Variants in CCDC148 observed in about 807,000 individuals in gnomAD.
CCDC148 encodes coiled-coil domain containing 148, also known as coiled-coil domain-containing protein 148.
Under a neutral mutation model 85.7 loss-of-function variants are expected in CCDC148, and 89 were observed. The ratio of observed to expected loss-of-function variants is 1.04; its 90% CI spans 0.87 to 1.24. The LOEUF is 1.24. Among genes scored for constraint, CCDC148 ranks in the 50% most tolerant of loss-of-function variants. The probability of loss-of-function intolerance (pLI) is 0.00; values close to 1 mark genes in which losing one functional copy is unlikely to be tolerated. For synonymous variants in CCDC148, 230 were observed against 213.9 expected (o/e 1.08, Z -0.66); for missense variants, 692 against 671.7 (o/e 1.03, Z -0.33).
At chr2:158,350,338 C>CT (rs1236776277) in intron 2 of CCDC148, among the ~76,000 whole-genome samples, 3 of 151,994 alleles carry the variant, frequency 2.0e-5, no homozygotes, top group Non-Finnish European at 4.4e-5. Context: ...GCCAAAATGT[C>CT]TTTTTTGGTA....
intron 9 of CCDC148, among the ~76,000 whole-genome samples, chr2:158,292,119 T>C (rs1350866384): frequency 2.0e-5 from 3 of 152,142 alleles, no homozygotes; most frequent in Non-Finnish European, 4.4e-5. Context: ...TTTGCTAGTC[T>C]GCCTCTCTCA....
intron 9 of CCDC148, among the ~76,000 whole-genome samples, chr2:158,267,773 A>G (rs1012729844): frequency 1.3e-5 from 2 of 152,132 alleles, no homozygotes; most frequent in Non-Finnish European, 2.9e-5. Flanking sequence ...CTCACGATAC[A>G]GTGGCTTCAG....
chr2:158,433,780 T>C (rs569186236), intron 1 of CCDC148, among the ~76,000 whole-genome samples: 2 of 152,196 alleles, frequency 1.3e-5, no homozygotes, highest in African/African-American at 2.4e-5. Context: ...ATCCTAATAC[T>C]GCGCTTTTCC....
intron 9 of CCDC148, among the ~76,000 whole-genome samples, chr2:158,257,841 A>G (rs1689071980): frequency 6.6e-6 from 1 of 151,922 alleles, no homozygotes; most frequent in Non-Finnish European, 1.5e-5. Flanking sequence ...CTTCTAGAGG[A>G]AGAAACAAAC....
intron 1 of CCDC148, among the ~76,000 whole-genome samples, chr2:158,374,407 C>T (rs937770182): frequency 6.6e-6 from 1 of 152,034 alleles, no homozygotes; most frequent in East Asian, 1.9e-4. Flanking sequence ...TGTAGTTTTA[C>T]CTCCAACATA....
intron 2 of CCDC148, among the ~76,000 whole-genome samples, chr2:158,352,630 G>C (rs1408607471): frequency 1.3e-5 from 2 of 152,116 alleles, no homozygotes; most frequent in African/African-American, 4.8e-5. Flanking sequence ...GGGAAGAATG[G>C]AACCAAGTTG....
At chr2:158,179,166 ATT>A (rs10699879) in intron 11 of CCDC148, among the ~76,000 whole-genome samples, 170 bp from the exon 12 acceptor site, 160 of 82,792 alleles carry the variant, frequency 1.9e-3, no homozygotes, top group Non-Finnish European at 3.0e-3. Flanking sequence ...ATAAAATGCA[ATT>A]TTTTTTTTTT....
chr2:158,204,800 G>A (rs887614011), intron 11 of CCDC148, among the ~76,000 whole-genome samples: 1 of 152,154 alleles, frequency 6.6e-6, no homozygotes, highest in African/African-American at 2.4e-5. Context: ...AGAGGCCAAA[G>A]AAGGTCTCAC....
At chr2:158,328,487 T>C (rs1692911215) in intron 7 of CCDC148, among the ~76,000 whole-genome samples, 1 of 152,158 alleles carries the variant, frequency 6.6e-6, no homozygotes, top group South Asian at 2.1e-4. Flanking sequence ...TGTGCATGTG[T>C]CTTTATAGCA....
intron 11 of CCDC148, among the ~76,000 whole-genome samples, chr2:158,208,008 T>G (rs988632257): frequency 6.6e-6 from 1 of 151,504 alleles, no homozygotes; most frequent in Non-Finnish European, 1.5e-5. Flanking sequence ...TTCCTTCACC[T>G]CCCTTTTCCA....
chr2:158,259,262 A>C (rs1350250509), intron 9 of CCDC148, among the ~76,000 whole-genome samples: 2 of 151,776 alleles, frequency 1.3e-5, no homozygotes, highest in African/African-American at 2.4e-5. Context: ...TTTTTCTTCA[A>C]GGTAATTCTT....
At chr2:158,390,961 T>C (rs749228172) in intron 1 of CCDC148, among the ~76,000 whole-genome samples, 4 of 152,118 alleles carry the variant, frequency 2.6e-5, no homozygotes, top group Non-Finnish European at 5.9e-5. Flanking sequence ...CCCTATACAA[T>C]AGCTGTTATT....
chr2:158,313,605 C>T lies in CCDC148; in HGVS notation c.903+151G>A. 4 of 875,942 alleles carry T rather than the reference C, an allele frequency of 4.6e-6. No individual in the cohort carries two copies. The South Asian group carries it at 1.0e-4, about 22-fold the overall frequency. 54.3% of individuals were successfully genotyped at this position (875,942 alleles called of 1,614,324 possible). The stretch of plus-strand genomic sequence containing the variant: ...AACTTGAAAAAATGACCTGCACAGG[C>T]TTTCAAACTATTATATAACCCTATT... On this transcript the variant is annotated intron_variant, in intron 8 of 13. Coordinates refer to ENST00000283233, the MANE Select transcript of CCDC148 (RefSeq NM_138803.4).
chr2:158,309,676 G>T, intron 8 of CCDC148, 37 bp from the exon 9 acceptor site: 1 of 1,373,766 alleles, frequency 7.3e-7, no homozygotes. Context: ...TTATCATTAT[G>T]AAAATGAGCT....
At chr2:158,247,578 C>T (rs541939162) in intron 10 of CCDC148, among the ~76,000 whole-genome samples, 267 of 152,192 alleles carry the variant, frequency 1.8e-3, no homozygotes, top group African/African-American at 6.2e-3. Context: ...ATTAAAAGGC[C>T]GGGCATGGTA....
At position 158,180,244 on chromosome 2, in the gene CCDC148, C is replaced by T. The variant is rs149009045; in HGVS notation, c.1371-1248G>A. ...ACATTCTGGATTCTGGTATTTACTG[C>T]GTGTTCACCCTGCATCAGGTCTTGT... On this transcript the variant is annotated intron_variant, in intron 11 of 13. Transcript: ENST00000283233. Among the ~76,000 whole-genome samples the T allele has an allele frequency of 1.3e-3, 193 of 152,268 alleles. 2 individuals carry two copies. The highest frequency in any genetic ancestry group is 4.4e-3 in the African/African-American group (181 of 41,544).
At chr2:158,257,929 T>A (rs1359471120) in intron 9 of CCDC148, among the ~76,000 whole-genome samples, 1 of 151,908 alleles carries the variant, frequency 6.6e-6, no homozygotes, top group African/African-American at 2.4e-5. Flanking sequence ...CAGTCAATTT[T>A]ATTTATGAAA....
At chr2:158,246,161 C>T (rs566549561) in intron 10 of CCDC148, among the ~76,000 whole-genome samples, 60 of 152,096 alleles carry the variant, frequency 3.9e-4, no homozygotes, top group Non-Finnish European at 6.9e-4. Flanking sequence ...TCTGCCTCTA[C>T]TGCCAGTCCC....
intron 1 of CCDC148, chr2:158,425,371 G>T: frequency 2.2e-6 from 1 of 455,652 alleles, no homozygotes; most frequent in Admixed American, 2.3e-5. Flanking sequence ...TGACATTGAA[G>T]ACTGGTCTTT....
Sources: allele counts gnomAD v4.1 joint callset (sites outside exome capture counted in the v4.1 genomes callset), GRCh38; gene constraint gnomAD v4.1.1; transcripts MANE v1.5; gene names NCBI Gene and HGNC (gene_info 2026-07-23, HGNC 2026-07-21).